MIPOL1: variants seen among roughly 807,000 people sequenced by gnomAD.
MIPOL1 encodes mirror-image polydactyly gene 1 protein.
Under a neutral mutation model 60.9 loss-of-function variants are expected in MIPOL1, and 57 were observed. The ratio of observed to expected loss-of-function variants is 0.94; its 90% CI spans 0.76 to 1.17. The LOEUF (loss-of-function observed/expected upper bound fraction) is 1.17, where lower values mean the gene tolerates loss of function less well. Among genes scored for constraint, MIPOL1 ranks in the 50% most tolerant of loss-of-function variants. The pLI, the probability that MIPOL1 is intolerant of heterozygous loss-of-function variation, is 0.00. For synonymous variants in MIPOL1, 179 were observed against 168.8 expected (o/e 1.06, Z -0.47); for missense variants, 551 against 511.6 (o/e 1.08, Z -0.74).
Position 37,268,196 on chromosome 14 carries a change from A to G in MIPOL1, c.252-462A>G, listed in dbSNP as rs555406763. Among the ~76,000 whole-genome samples the G allele has an allele frequency of 2.6e-5, 4 of 152,314 alleles. No homozygotes were observed. In the South Asian group the frequency reaches 8.3e-4, roughly 32 times the overall value. ...TCTACTTTCAAATTATTCAGTAGATATGTTAATAGATAGTAACATATAATG... is the reference window on the plus strand; with the variant it reads ...TCTACTTTCAAATTATTCAGTAGATGTGTTAATAGATAGTAACATATAATG... On this transcript the variant is annotated intron_variant, in intron 4 of 12. Transcript: ENST00000684589.
intron 11 of MIPOL1, among the ~76,000 whole-genome samples, chr14:37,471,280 A>G (rs2094685508): frequency 6.6e-6 from 1 of 152,292 alleles, no homozygotes; most frequent in Non-Finnish European, 1.5e-5. Context: ...AAACAGGAAT[A>G]TTTTCATAAT....
intron 10 of MIPOL1, among the ~76,000 whole-genome samples, chr14:37,416,382 TTGTA>T (rs1175623180): frequency 6.6e-6 from 1 of 152,130 alleles, no homozygotes; most frequent in Non-Finnish European, 1.5e-5. Flanking sequence ...GATTTCATCA[TTGTA>T]TGGGCATAAT....
At chr14:37,361,638 G>A (rs1165509654) in intron 9 of MIPOL1, among the ~76,000 whole-genome samples, 1 of 51,556 alleles carries the variant, frequency 1.9e-5, no homozygotes, top group Admixed American at 2.1e-4. Flanking sequence ...TTTTTTTTTT[G>A]CCTCTCTCGC....
chr14:37,292,168 G>T lies in MIPOL1; in HGVS notation c.623+6721G>T, dbSNP rs774571767. Reference sequence around the variant, plus strand: ...TCTCTATCTCTGGACCTCATGATCCGCCCGCTTTGGCTTCCCAAAGTGCTG... The same window carrying T: ...TCTCTATCTCTGGACCTCATGATCCTCCCGCTTTGGCTTCCCAAAGTGCTG... On this transcript the variant is annotated intron_variant, in intron 7 of 12. Transcript: ENST00000684589. Among the ~76,000 whole-genome samples, 16 of 151,930 alleles carry T rather than the reference G, an allele frequency of 1.1e-4. 1 individual carries two copies. The South Asian group carries it at 1.9e-3, about 18-fold the overall frequency.
chr14:37,244,810 G>T (rs1198847530), intron 1 of MIPOL1, among the ~76,000 whole-genome samples: 2 of 151,956 alleles, frequency 1.3e-5, no homozygotes, highest in Non-Finnish European at 2.9e-5. Flanking sequence ...TTAAGGTAAG[G>T]ACAGAAATTA....
At chr14:37,521,945 G>A (rs182579400) in intron 12 of MIPOL1, among the ~76,000 whole-genome samples, 14 of 146,182 alleles carry the variant, frequency 9.6e-5, no homozygotes, top group Admixed American at 5.5e-4. Flanking sequence ...ATAAAACAGA[G>A]CAGAGAACAT....
intron 11 of MIPOL1, among the ~76,000 whole-genome samples, chr14:37,478,092 G>A (rs1409485673): frequency 2.0e-5 from 3 of 152,204 alleles, no homozygotes; most frequent in Non-Finnish European, 2.9e-5. Flanking sequence ...TTGCAAAAGA[G>A]TATGGTGCTA....
Position 37,247,864 on chromosome 14 carries a change from A to G in MIPOL1, c.-25A>G. The G allele has an allele frequency of 6.2e-7, 1 of 1,612,770 alleles. No homozygotes were observed. The highest frequency in any genetic ancestry group is 8.5e-7 in the Non-Finnish European group (1 of 1,179,244). ...TGGAGCAAAAACCAGAGACATTGCC[A>G]GAGCAAACAAGAACAGAAATACAAA... On this transcript the variant is annotated 5_prime_UTR_variant, in exon 3 of 13. Transcript: ENST00000684589.
intron 11 of MIPOL1, among the ~76,000 whole-genome samples, chr14:37,464,159 A>C (rs992949662): frequency 2.0e-5 from 3 of 152,202 alleles, no homozygotes; most frequent in African/African-American, 7.2e-5. Context: ...TTTTCGTGGG[A>C]ATGTAAATTA....
At chr14:37,503,432 G>C (rs987053217) in intron 12 of MIPOL1, 3 of 152,192 alleles carry the variant, frequency 2.0e-5, no homozygotes, top group African/African-American at 7.2e-5. Context: ...CAAGCCAGAA[G>C]AGAGTAGGGG....
chr14:37,383,013 T>C lies in MIPOL1; in HGVS notation c.936+13389T>C, dbSNP rs147211406. Among the ~76,000 whole-genome samples, 473 of 151,866 alleles carry C rather than the reference T, an allele frequency of 3.1e-3. 17 individuals carry two copies. The East Asian group carries it at 0.073, about 24-fold the overall frequency. On this transcript the variant is annotated intron_variant, in intron 10 of 12. Coordinates refer to ENST00000684589, the MANE Select transcript of MIPOL1 (RefSeq NM_001388067.1). ...ATATATTTCACAGTCTTGAAAAAAA[T>C]TTCATGTATCTTCAGATGAATGTCA...
intron 7 of MIPOL1, among the ~76,000 whole-genome samples, chr14:37,300,372 C>G (rs2086264953): frequency 7.1e-6 from 1 of 141,258 alleles, no homozygotes; most frequent in African/African-American, 2.6e-5. Flanking sequence ...CATAGATGTT[C>G]ATTTAATACT....
At chr14:37,362,190 G>T (rs2092293445) in intron 9 of MIPOL1, among the ~76,000 whole-genome samples, 1 of 152,168 alleles carries the variant, frequency 6.6e-6, no homozygotes, top group Non-Finnish European at 1.5e-5. Context: ...AATTGATGCA[G>T]TTTCTTCATA....
At chr14:37,499,023 C>T (rs955267581) in intron 11 of MIPOL1, among the ~76,000 whole-genome samples, 9 of 151,984 alleles carry the variant, frequency 5.9e-5, no homozygotes, top group Non-Finnish European at 1.2e-4. Context: ...TGTCTCCAAT[C>T]GACATTTCCT....
At chr14:37,406,954 A>T (rs2093597879) in intron 10 of MIPOL1, among the ~76,000 whole-genome samples, 1 of 152,154 alleles carries the variant, frequency 6.6e-6, no homozygotes, top group South Asian at 2.1e-4. Context: ...CTAACTAGCA[A>T]CAGATTTACG....
intron 12 of MIPOL1, among the ~76,000 whole-genome samples, chr14:37,525,412 G>C (rs2095440777): frequency 6.6e-6 from 1 of 152,178 alleles, no homozygotes; most frequent in Admixed American, 6.5e-5. Flanking sequence ...CTATGTTGCT[G>C]TAAGTCTTGA....
chr14:37,510,561 T>A (rs532820422), intron 12 of MIPOL1, among the ~76,000 whole-genome samples: 2 of 152,158 alleles, frequency 1.3e-5, no homozygotes, highest in South Asian at 4.2e-4. Context: ...TTAATATCTA[T>A]TTTCTACCTA....
At chr14:37,362,821 T>C (rs2092323442) in intron 9 of MIPOL1, among the ~76,000 whole-genome samples, 1 of 152,196 alleles carries the variant, frequency 6.6e-6, no homozygotes, top group South Asian at 2.1e-4. Flanking sequence ...TTACTCTTTT[T>C]TCTCTAAACT....
At chr14:37,444,170 A>G (rs1377546907) in intron 11 of MIPOL1, among the ~76,000 whole-genome samples, 3 of 152,188 alleles carry the variant, frequency 2.0e-5, no homozygotes, top group African/African-American at 7.2e-5. Context: ...AGGATTCCTA[A>G]GGATTCTTTA....
Sources: allele counts gnomAD v4.1 joint callset (sites outside exome capture counted in the v4.1 genomes callset), GRCh38; gene constraint gnomAD v4.1.1; transcripts MANE v1.5; gene names NCBI Gene and HGNC (gene_info 2026-07-23, HGNC 2026-07-21).